Variants in PSD3 observed in about 807,000 individuals in gnomAD.
PSD3 encodes the protein PH and SEC7 domain-containing protein 3.
Under a neutral mutation model 105.5 loss-of-function variants are expected in PSD3, and 49 were observed. The ratio of observed to expected loss-of-function variants is 0.46; its 90% CI spans 0.37 to 0.59. The LOEUF (loss-of-function observed/expected upper bound fraction) is 0.59. Ranked by LOEUF, PSD3 falls within the 20% of genes least tolerant of loss-of-function variation. The probability of loss-of-function intolerance (pLI) is 0.00; values close to 1 mark genes in which losing one functional copy is unlikely to be tolerated. For missense variants in PSD3, 1,561 were observed against 1,263.8 expected (o/e 1.24, Z -3.57); for synonymous variants, 557 against 457.8 (o/e 1.22, Z -2.77).
intron 8 of PSD3, chr8:18,775,063 T>C (rs1807916378): frequency 7.2e-6 from 3 of 417,530 alleles, no homozygotes; most frequent in African/African-American, 4.1e-5. Flanking sequence ...TCTACCTTCA[T>C]GAAATCTACT....
chr8:18,625,917 G>A (rs1806440751), intron 11 of PSD3, among the ~76,000 whole-genome samples: 1 of 129,884 alleles, frequency 7.7e-6, no homozygotes, highest in South Asian at 2.5e-4. Context: ...TATATTTTGG[G>A]TATGTTGTTT....
At chr8:19,026,663 G>A (rs557945631) in intron 1 of PSD3, among the ~76,000 whole-genome samples, 13 of 128,452 alleles carry the variant, frequency 1.0e-4, no homozygotes, top group South Asian at 5.1e-4. Flanking sequence ...CCAGGAGTTC[G>A]AGACTAGCCT....
chr8:18,822,568 G>A (rs1812831722), intron 4 of PSD3, among the ~76,000 whole-genome samples: 1 of 152,174 alleles, frequency 6.6e-6, no homozygotes, highest in African/African-American at 2.4e-5. Context: ...GTGTCAAACT[G>A]TCCCTCCTAC....
At chr8:18,741,195 C>T (rs1804543452) in intron 9 of PSD3, among the ~76,000 whole-genome samples, 1 of 152,084 alleles carries the variant, frequency 6.6e-6, no homozygotes, top group South Asian at 2.1e-4. Flanking sequence ...AGTTACGGTC[C>T]AGAGAACGAG....
At position 18,828,589 on chromosome 8, in the gene PSD3, C is replaced by T. The variant is rs139333748; in HGVS notation, c.1635-23691G>A. Reference sequence around the variant, plus strand: ...GCCAAGGCAGGCAGACTGCTCGAGCCCGGGAGTTCAAGACCAGCCTGGGCA... The same window carrying T: ...GCCAAGGCAGGCAGACTGCTCGAGCTCGGGAGTTCAAGACCAGCCTGGGCA... On this transcript the variant is annotated intron_variant, in intron 4 of 15. Transcript: ENST00000327040. Among the ~76,000 whole-genome samples the T allele has an allele frequency of 6.6e-3, 1,009 of 152,090 alleles. 10 individuals carry two copies. The highest frequency in any genetic ancestry group is 0.017 in the Middle Eastern group (5 of 294).
At chr8:18,626,459 A>C (rs1806485451) in intron 11 of PSD3, among the ~76,000 whole-genome samples, 1 of 152,132 alleles carries the variant, frequency 6.6e-6, no homozygotes, top group South Asian at 2.1e-4. Context: ...GACCATGCTT[A>C]ATCAAAGTAA....
chr8:18,950,195 T>G (rs1823151654), intron 1 of PSD3, among the ~76,000 whole-genome samples: 1 of 152,226 alleles, frequency 6.6e-6, no homozygotes, highest in South Asian at 2.1e-4. Flanking sequence ...TAATGAATAT[T>G]CAAAGACACA....
At chr8:18,844,421 C>G (rs1381676995) in intron 4 of PSD3, among the ~76,000 whole-genome samples, 1 of 152,118 alleles carries the variant, frequency 6.6e-6, no homozygotes, top group Non-Finnish European at 1.5e-5. Context: ...AGATCTAACA[C>G]CTTTCCTCTT....
At chr8:18,821,869 ACAC>A (rs879576505) in intron 4 of PSD3, among the ~76,000 whole-genome samples, 11,466 of 73,632 alleles carry the variant, frequency 0.16, 446 homozygotes, top group South Asian at 0.23. Context: ...ACATGCACAC[ACAC>A]CACACACACA....
At chr8:18,775,773 T>G (rs1368291819) in intron 8 of PSD3, among the ~76,000 whole-genome samples, 1 of 152,218 alleles carries the variant, frequency 6.6e-6, no homozygotes, top group African/African-American at 2.4e-5. Context: ...TACCATTCTG[T>G]AGCTTGTATC....
intron 6 of PSD3, among the ~76,000 whole-genome samples, chr8:18,801,615 A>T (rs1810697288): frequency 6.6e-6 from 1 of 152,166 alleles, no homozygotes. Context: ...TGTTCACTTG[A>T]GGTCAGGGGT....
At chr8:18,618,946 G>A (rs770846920) in intron 11 of PSD3, among the ~76,000 whole-genome samples, 1 of 152,010 alleles carries the variant, frequency 6.6e-6, no homozygotes, top group Non-Finnish European at 1.5e-5. Context: ...AAGATATCAC[G>A]GAACTTCCTT....
intron 1 of PSD3, among the ~76,000 whole-genome samples, chr8:19,049,012 T>C (rs1240871480): frequency 6.6e-6 from 1 of 152,174 alleles, no homozygotes; most frequent in Non-Finnish European, 1.5e-5. Flanking sequence ...TGTCCTAATC[T>C]CTTTATAAGA....
At chr8:18,902,694 C>T (rs562718925) in intron 2 of PSD3, among the ~76,000 whole-genome samples, 1 of 152,152 alleles carries the variant, frequency 6.6e-6, no homozygotes, top group Non-Finnish European at 1.5e-5. Context: ...TAGGGTTTTA[C>T]TGTGCTGGTT....
intron 1 of PSD3, among the ~76,000 whole-genome samples, chr8:18,962,097 T>C (rs890994140): frequency 3.3e-5 from 5 of 152,034 alleles, no homozygotes; most frequent in Non-Finnish European, 7.4e-5. Context: ...AATACAAAAA[T>C]TAGCCGGGCC....
chr8:18,629,344 T>A (rs539032271), intron 11 of PSD3, among the ~76,000 whole-genome samples: 20 of 152,160 alleles, frequency 1.3e-4, no homozygotes, highest in African/African-American at 4.8e-4. Context: ...CTTACTCTTT[T>A]ACTCCTAGGT....
intron 4 of PSD3, among the ~76,000 whole-genome samples, chr8:18,828,751 A>G (rs1813431454): frequency 6.6e-6 from 1 of 152,134 alleles, no homozygotes; most frequent in Admixed American, 6.5e-5. Context: ...ACATGAGGCC[A>G]GAAGTTTGAG....
chr8:18,959,088 T>C (rs902386098), intron 1 of PSD3, among the ~76,000 whole-genome samples: 7 of 152,024 alleles, frequency 4.6e-5, no homozygotes, highest in African/African-American at 7.2e-5. Context: ...GCTCAGCTAA[T>C]TTTTGTATTT....
intron 11 of PSD3, among the ~76,000 whole-genome samples, 170 bp from the exon 12 acceptor site, chr8:18,600,604 A>T (rs1422140722): frequency 1.3e-5 from 2 of 152,160 alleles, no homozygotes; most frequent in African/African-American, 4.8e-5. Context: ...GGCATTCTAA[A>T]ATGTTTTCCA....
Sources: gnomAD v4.1 joint callset for allele counts (sites outside exome capture counted in the v4.1 genomes callset) on GRCh38, gnomAD v4.1.1 for gene constraint, MANE v1.5 for transcripts, NCBI Gene and HGNC (gene_info 2026-07-23, HGNC 2026-07-21) for gene names.